Variants in ROBO1 observed in about 807,000 individuals in gnomAD.
The protein encoded by ROBO1 is roundabout homolog 1.
In ROBO1, 149 loss-of-function variants were observed where a neutral mutation model predicts 195.9. The observed-to-expected ratio is 0.76, with a 90% CI of 0.67 to 0.87. ROBO1 has a LOEUF of 0.87. ROBO1 is among the 40% of genes least tolerant of loss of function. The probability of loss-of-function intolerance (pLI) is 0.00; values close to 1 mark genes in which losing one functional copy is unlikely to be tolerated. For synonymous variants in ROBO1, 816 were observed against 733.2 expected (o/e 1.11, Z -1.82); for missense variants, 1,933 against 2,068.3 (o/e 0.93, Z 1.27).
chr3:78,609,864 A>C (rs548148912), intron 28 of ROBO1, among the ~76,000 whole-genome samples: 1 of 152,132 alleles, frequency 6.6e-6, no homozygotes, highest in Non-Finnish European at 1.5e-5. Flanking sequence ...TTAAAAAATA[A>C]ATGAAACTTT....
At chr3:79,645,656 T>A (rs1446006045) in intron 1 of ROBO1, among the ~76,000 whole-genome samples, 1 of 152,090 alleles carries the variant, frequency 6.6e-6, no homozygotes, top group Non-Finnish European at 1.5e-5. Context: ...AATAGACCCC[T>A]AATAGCCAAA....
intron 4 of ROBO1, among the ~76,000 whole-genome samples, chr3:78,858,870 T>C (rs1252676293): frequency 2.0e-5 from 3 of 148,840 alleles, no homozygotes; most frequent in Non-Finnish European, 4.4e-5. Flanking sequence ...ATGAAATAAA[T>C]ATGAATAGCC....
chr3:79,395,578 G>A (rs376879319), intron 2 of ROBO1, among the ~76,000 whole-genome samples: 1 of 151,848 alleles, frequency 6.6e-6, no homozygotes, highest in Non-Finnish European at 1.5e-5. Flanking sequence ...GAAGAAGAAA[G>A]TAAAAATTTC....
chr3:78,639,871 A>G lies in ROBO1; in HGVS notation c.2910T>C (p.Pro970=). The G allele has an allele frequency of 6.2e-7, 1 of 1,607,130 alleles. No homozygotes were observed. The highest frequency in any genetic ancestry group is 8.5e-7 in the Non-Finnish European group (1 of 1,175,794). ...TGTCTGCCAGCCATGGCTGCGCGGC[A>G]GGTTCACTGATGTTGAGAAGTCCAG... ...GRPGLLNISE[P]AAQPWLADTW... is the part of the protein sequence containing the mutation. The change falls in exon 22 of 31, where the codon CCT becomes CCC. Residue 970 remains proline (P), a synonymous_variant. Coordinates refer to ENST00000464233, the MANE Select transcript of ROBO1 (RefSeq NM_002941.4).
rs200732823 is a variant in ROBO1 at position 79,654,995 on chromosome 3, T to C, written c.-50-65034A>G. Among the ~76,000 whole-genome samples the C allele has an allele frequency of 2.1e-3, 327 of 152,102 alleles. 2 individuals are homozygous for C. The highest frequency in any genetic ancestry group is 7.6e-3 in the African/African-American group (315 of 41,562). Reference sequence around the variant, plus strand: ...AGTATAATGTGGGAAGTGGGATTGGTATTTAGCTTGTTAGGAAATCTACAG... The same window carrying C: ...AGTATAATGTGGGAAGTGGGATTGGCATTTAGCTTGTTAGGAAATCTACAG... On this transcript the variant is annotated intron_variant, in intron 1 of 30. Transcript: ENST00000464233.
At chr3:78,767,877 CT>C (rs2083269893) in intron 4 of ROBO1, among the ~76,000 whole-genome samples, 1 of 151,806 alleles carries the variant, frequency 6.6e-6, no homozygotes, top group Admixed American at 6.6e-5. Flanking sequence ...AAAGAACTAG[CT>C]TTTGGTTTCA....
intron 3 of ROBO1, among the ~76,000 whole-genome samples, chr3:78,946,209 A>G (rs909626712): frequency 6.6e-6 from 1 of 152,164 alleles, no homozygotes; most frequent in Non-Finnish European, 1.5e-5. Context: ...CAATTCCAAG[A>G]CACATAATTG....
intron 4 of ROBO1, among the ~76,000 whole-genome samples, chr3:78,808,656 T>C: frequency 6.6e-6 from 1 of 152,066 alleles, no homozygotes; most frequent in Admixed American, 6.5e-5. Context: ...AATTATACTG[T>C]TAAAAGCAAT....
chr3:79,550,152 G>GAAAGAAAGAAAGAAAGA (rs1942425032), intron 2 of ROBO1, among the ~76,000 whole-genome samples: 1 of 91,084 alleles, frequency 1.1e-5, no homozygotes, highest in African/African-American at 6.6e-5. Context: ...AAAAAGAAAG[G>GAAAGAAAGAAAGAAAGA]AAGAAAGAAA....
intron 4 of ROBO1, among the ~76,000 whole-genome samples, chr3:78,910,249 A>G (rs1212303839): frequency 6.6e-6 from 1 of 151,874 alleles, no homozygotes; most frequent in Non-Finnish European, 1.5e-5. Flanking sequence ...AGCTGCTGTT[A>G]AATTCACATT....
chr3:79,760,236 C>CAAAAAAAAAAA lies in ROBO1; in HGVS notation c.-51+7505_-51+7515dup, dbSNP rs11451206. 1.6e-3 allele frequency among the ~76,000 whole-genome samples: 7 copies of CAAAAAAAAAAA among 4,512 alleles called. 2 individuals are homozygous for CAAAAAAAAAAA. The highest frequency in any genetic ancestry group is 2.6e-3 in the African/African-American group (4 of 1,516). The allele number at this position is 4,512 out of a possible 152,430, so 3.0% of individuals were successfully genotyped here. A position where few individuals can be genotyped will look rare whatever the true frequency, so the allele number is the denominator to read the frequency against. On this transcript the variant is annotated intron_variant, in intron 1 of 30. Transcript: ENST00000464233. ...TGGGTGAGACAGTGAGACCCTATCTCAAAAAAAAAAAAAAAAAAAAAAAAA... is the reference window on the plus strand; with the variant it reads ...TGGGTGAGACAGTGAGACCCTATCTCAAAAAAAAAAAAAAAAAAAAAAAAAAAAAAAAAAAA...
chr3:79,511,579 T>C (rs778304266), intron 2 of ROBO1, among the ~76,000 whole-genome samples: 21 of 152,148 alleles, frequency 1.4e-4, no homozygotes, highest in Non-Finnish European at 1.9e-4. Flanking sequence ...AAAGTTTATT[T>C]AAGCTTCAAT....
chr3:78,957,962 CA>C (rs1346130228), intron 3 of ROBO1, among the ~76,000 whole-genome samples: 1 of 152,078 alleles, frequency 6.6e-6, no homozygotes, highest in Non-Finnish European at 1.5e-5. Flanking sequence ...TGATATATCT[CA>C]ATATAATGGG....
intron 4 of ROBO1, among the ~76,000 whole-genome samples, chr3:78,926,118 C>T (rs1305644034): frequency 6.6e-6 from 1 of 152,114 alleles, no homozygotes; most frequent in African/African-American, 2.4e-5. Context: ...ATCCACCCGC[C>T]TCAGCCTCCC....
chr3:79,188,216 A>G (rs1385375366), intron 2 of ROBO1, among the ~76,000 whole-genome samples: 2 of 151,872 alleles, frequency 1.3e-5, no homozygotes, highest in Non-Finnish European at 2.9e-5. Flanking sequence ...TTATAACTAT[A>G]TTTGTAATAC....
intron 14 of ROBO1, among the ~76,000 whole-genome samples, chr3:78,663,970 CA>C (rs1707585433): frequency 1.3e-5 from 2 of 152,096 alleles, no homozygotes; most frequent in African/African-American, 4.8e-5. Context: ...ATCCCAATCC[CA>C]AATTCCTCTG....
rs147455841 is a variant in ROBO1 at position 79,274,484 on chromosome 3, C to T, written c.89-148945G>A. ...TGGAAACACAGCATACCAAAACCTA[C>T]GGGATACAGCAAAAGCTGTACTTAG... On this transcript the variant is annotated intron_variant, in intron 2 of 30. Transcript: ENST00000464233. 2.8e-3 allele frequency among the ~76,000 whole-genome samples: 422 copies of T among 151,766 alleles called. 5 individuals are homozygous for T. The highest frequency in any genetic ancestry group is 8.8e-3 in the African/African-American group (364 of 41,452).
intron 3 of ROBO1, among the ~76,000 whole-genome samples, chr3:79,022,066 T>C (rs2078114511): frequency 1.3e-5 from 2 of 152,198 alleles, no homozygotes; most frequent in Non-Finnish European, 2.9e-5. Context: ...TATGTGTTAG[T>C]CCTTTCTTTT....
chr3:78,863,745 C>A (rs2034994115), intron 4 of ROBO1, among the ~76,000 whole-genome samples: 1 of 152,142 alleles, frequency 6.6e-6, no homozygotes, highest in African/African-American at 2.4e-5. Flanking sequence ...ATATACCCAA[C>A]AAATGCAGTC....
Sources: gnomAD v4.1 joint callset for allele counts (sites outside exome capture counted in the v4.1 genomes callset) on GRCh38, gnomAD v4.1.1 for gene constraint, MANE v1.5 for transcripts, NCBI Gene and HGNC (gene_info 2026-07-23, HGNC 2026-07-21) for gene names.